Variants in SAP18 observed in about 807,000 individuals in gnomAD.
SAP18 encodes Sin3A associated protein 18.
In SAP18, 4 loss-of-function variants were observed where a neutral mutation model predicts 18.6. The observed-to-expected ratio is 0.21, with a 90% CI of 0.11 to 0.49. The LOEUF is 0.49. Among genes scored for constraint, SAP18 ranks in the 20% least tolerant of loss-of-function variants. The pLI, the probability that SAP18 is intolerant of heterozygous loss-of-function variation, is 0.98. For missense variants in SAP18, 170 were observed against 226.4 expected, an observed-to-expected ratio of 0.75 and a Z score of 1.60; for synonymous variants, 112 against 82.8, an observed-to-expected ratio of 1.35 and a Z score of -1.92.
chr13:21,145,809 G>A (rs1294759452), intron 2 of SAP18, among the ~76,000 whole-genome samples: 1 of 151,978 alleles, frequency 6.6e-6, no homozygotes, highest in South Asian at 2.1e-4. Flanking sequence ...ATGAGCCTCC[G>A]CACCTGGCAA....
intron 2 of SAP18, 188 bp from the exon 3 acceptor site, chr13:21,146,617 G>A (rs988918795): frequency 2.1e-5 from 9 of 428,190 alleles, no homozygotes; most frequent in African/African-American, 1.8e-4. Context: ...AGTAAGGCTG[G>A]TACATGGAGT....
chr13:21,142,475 C>T (rs967079666), intron 2 of SAP18, among the ~76,000 whole-genome samples: 54 of 151,672 alleles, frequency 3.6e-4, no homozygotes, highest in African/African-American at 1.1e-3. Context: ...TACAGGCGCC[C>T]GCCACCACGC....
intron 2 of SAP18, among the ~76,000 whole-genome samples, chr13:21,146,172 C>T (rs934836491): frequency 6.6e-6 from 1 of 152,120 alleles, no homozygotes; most frequent in African/African-American, 2.4e-5. Flanking sequence ...CATGGTGAAA[C>T]CCTGTCTCTA....
chr13:21,146,738 A>T (rs1869664931), intron 2 of SAP18, 67 bp from the exon 3 acceptor site: 1 of 1,255,300 alleles, frequency 8.0e-7, no homozygotes, highest in Non-Finnish European at 1.1e-6. Context: ...ACTCATTGTT[A>T]GTATCCCTTT....
upstream of SAP18, chr13:21,140,465 G>A (rs1595287620): frequency 3.6e-5 from 51 of 1,426,852 alleles, no homozygotes; most frequent in East Asian, 1.2e-3. Flanking sequence ...CACCACGCAC[G>A]GAAGTGCGCC....
chr13:21,149,033 A>G (rs893640556), exon 4 of SAP18: 1 of 152,014 alleles, frequency 6.6e-6, no homozygotes, highest in African/African-American at 2.4e-5. Flanking sequence ...GTAATAACTG[A>G]GCTGTTTCCC....
exon 4 of SAP18, chr13:21,147,566 G>A (rs1470329352): frequency 1.4e-5 from 7 of 505,824 alleles, no homozygotes; most frequent in Non-Finnish European, 1.8e-5. Context: ...TTAGCATTCT[G>A]TGTAAAACTG....
intron 2 of SAP18, among the ~76,000 whole-genome samples, chr13:21,145,852 T>C (rs1183558402): frequency 1.3e-5 from 2 of 152,230 alleles, no homozygotes; most frequent in African/African-American, 4.8e-5. Flanking sequence ...CTAAGATGCT[T>C]ATATGTTAAA....
At chr13:21,142,597 G>GT (rs928602751) in intron 2 of SAP18, among the ~76,000 whole-genome samples, 6 of 152,076 alleles carry the variant, frequency 3.9e-5, no homozygotes, top group Admixed American at 1.3e-4. Flanking sequence ...AAAGTGGTAG[G>GT]TTTACAGGCA....
At chr13:21,145,373 A>T (rs1364567760) in intron 2 of SAP18, among the ~76,000 whole-genome samples, 1 of 152,212 alleles carries the variant, frequency 6.6e-6, no homozygotes, top group Non-Finnish European at 1.5e-5. Context: ...CTAAAATTTG[A>T]AAAAACCTAA....
chr13:21,147,297 T>G, exon 4 of SAP18: 1 of 1,613,976 alleles, frequency 6.2e-7, no homozygotes, highest in Non-Finnish European at 8.5e-7. Flanking sequence ...CAATTACCCC[T>G]CCAAATCGGG....
chr13:21,142,988 A>C (rs1419432774), intron 2 of SAP18, among the ~76,000 whole-genome samples: 3 of 151,860 alleles, frequency 2.0e-5, no homozygotes, highest in Non-Finnish European at 2.9e-5. Flanking sequence ...ATTTCAGTGA[A>C]CTCATTACAG....
At chr13:21,146,765 T>G in intron 2 of SAP18, 40 bp from the exon 3 acceptor site, 1 of 1,509,764 alleles carries the variant, frequency 6.6e-7, no homozygotes, top group Non-Finnish European at 9.0e-7. Context: ...TATTGCTGAT[T>G]AATAAGCAAA....
At chr13:21,143,798 C>T (rs1415248080) in intron 2 of SAP18, among the ~76,000 whole-genome samples, 5 of 152,052 alleles carry the variant, frequency 3.3e-5, no homozygotes, top group African/African-American at 1.2e-4. Context: ...AAATTGCAAC[C>T]AAACAAAGAA....
At chr13:21,140,173 G>A (rs1869388346), upstream of SAP18, among the ~76,000 whole-genome samples, 1 of 152,172 alleles carries the variant, frequency 6.6e-6, no homozygotes. Flanking sequence ...ACGTACGCTG[G>A]CGGCCCCTCT....
upstream of SAP18, among the ~76,000 whole-genome samples, chr13:21,140,214 G>A (rs1869390607): frequency 6.6e-6 from 1 of 152,148 alleles, no homozygotes; most frequent in Non-Finnish European, 1.5e-5. Context: ...GGTATCGCGG[G>A]CCTGTTCTTT....
chr13:21,147,483 G>T (rs1869689455), exon 4 of SAP18: 2 of 742,454 alleles, frequency 2.7e-6, no homozygotes, highest in African/African-American at 3.6e-5. Context: ...AGTTAGATTT[G>T]GATGTGCTAT....
intron 2 of SAP18, among the ~76,000 whole-genome samples, chr13:21,145,116 G>C (rs1301471993): frequency 6.8e-6 from 1 of 147,602 alleles, no homozygotes; most frequent in Non-Finnish European, 1.5e-5. Flanking sequence ...ATCCAGGCTG[G>C]AGTGCAGTGG....
exon 3 of SAP18, chr13:21,146,863 A>G: frequency 6.2e-7 from 1 of 1,613,468 alleles, no homozygotes; most frequent in Non-Finnish European, 8.5e-7. Flanking sequence ...CCCAGAAGCT[A>G]GAAAGAAGGG....
Sources: gnomAD v4.1 joint callset for allele counts (sites outside exome capture counted in the v4.1 genomes callset) on GRCh38, gnomAD v4.1.1 for gene constraint, MANE v1.5 for transcripts, NCBI Gene and HGNC (gene_info 2026-07-23, HGNC 2026-07-21) for gene names.